The following NRXN1 variants were observed in gnomAD, a reference collection of about 807,000 sequenced individuals.
NRXN1 encodes the protein neurexin 1, also known as neurexin-1.
Under a neutral mutation model 150.9 loss-of-function variants are expected in NRXN1, and 39 were observed. The observed-to-expected ratio is 0.26, with a 90% CI of 0.20 to 0.34. The LOEUF (loss-of-function observed/expected upper bound fraction) is 0.34. Ranked by LOEUF, NRXN1 falls within the 10% of genes least tolerant of loss-of-function variation. The pLI is 1.00. For synonymous variants in NRXN1, 924 were observed against 757.0 expected (o/e 1.22, Z -3.62); for missense variants, 1,815 against 1,949.9 (o/e 0.93, Z 1.30).
Position 49,921,715 on chromosome 2 carries a change from T to C in NRXN1, c.*229A>G. On this transcript the variant is annotated 3_prime_UTR_variant, in exon 23 of 23. Transcript: ENST00000401669. ...ACAAGCAGAGTAAATGAAAACACTG[T>C]GGATGTTAGGGAATTTATTGGCCCC... is the stretch of plus-strand genomic sequence containing the variant. 1 of 538,022 alleles carries C rather than the reference T, an allele frequency of 1.9e-6. No homozygotes were observed. The highest frequency in any genetic ancestry group is 3.3e-6 in the Non-Finnish European group (1 of 305,392). 33.3% of individuals were successfully genotyped at this position (538,022 alleles called of 1,614,324 possible). A position where few individuals can be genotyped will look rare whatever the true frequency, so the allele number is the denominator to read the frequency against.
chr2:50,706,959 A>G (rs1404008462), intron 5 of NRXN1, among the ~76,000 whole-genome samples: 1 of 152,122 alleles, frequency 6.6e-6, no homozygotes, highest in African/African-American at 2.4e-5. Context: ...GTAGTAGCCC[A>G]TTTATCTCAT....
rs200569040 is a variant in NRXN1 at position 50,472,294 on chromosome 2, A to G, written c.3244+4T>C. On this transcript the variant is annotated splice_donor_region_variant and intron_variant, in intron 16 of 22. Transcript: ENST00000401669. The stretch of plus-strand genomic sequence containing the variant: ...TTTAGAGCATGATGACAAAAATCTA[A>G]TACCTTCACATCCTCTCTCGATCTG... 1.0e-5 allele frequency: 16 copies of G among 1,557,750 alleles called. No homozygotes were observed. The highest frequency in any genetic ancestry group is 1.4e-5 in the Non-Finnish European group (16 of 1,150,324).
chr2:50,773,611 G>A (rs1357833156), intron 5 of NRXN1, among the ~76,000 whole-genome samples: 1 of 152,128 alleles, frequency 6.6e-6, no homozygotes, highest in Non-Finnish European at 1.5e-5. Flanking sequence ...AGCTAATCCT[G>A]TGTTCTCAGA....
chr2:50,443,926 T>C (rs2086182802), intron 17 of NRXN1, among the ~76,000 whole-genome samples: 1 of 152,160 alleles, frequency 6.6e-6, no homozygotes, highest in African/African-American at 2.4e-5. Context: ...TATTTGACTG[T>C]TTAATTACAA....
intron 17 of NRXN1, among the ~76,000 whole-genome samples, chr2:50,334,292 T>A (rs988813100): frequency 1.3e-5 from 2 of 150,936 alleles, no homozygotes; most frequent in Non-Finnish European, 2.9e-5. Flanking sequence ...TACAAAGTCA[T>A]TCATTCAATA....
chr2:50,630,433 T>C (rs902511496), intron 5 of NRXN1, among the ~76,000 whole-genome samples: 1 of 151,710 alleles, frequency 6.6e-6, no homozygotes, highest in African/African-American at 2.4e-5. Flanking sequence ...GCATTACCAG[T>C]GCATAGAATA....
intron 5 of NRXN1, among the ~76,000 whole-genome samples, chr2:50,806,586 C>T (rs1364949140): frequency 6.6e-6 from 1 of 152,092 alleles, no homozygotes; most frequent in African/African-American, 2.4e-5. Context: ...AGTTGAATAT[C>T]TTTCAGTAAT....
intron 18 of NRXN1, among the ~76,000 whole-genome samples, chr2:50,123,307 G>C (rs890135552): frequency 6.6e-6 from 1 of 152,148 alleles, no homozygotes; most frequent in African/African-American, 2.4e-5. Flanking sequence ...AACTTGTAAA[G>C]ATGAAAGGAG....
chr2:49,953,037 C>T (rs1674258829), intron 21 of NRXN1, among the ~76,000 whole-genome samples: 1 of 152,094 alleles, frequency 6.6e-6, no homozygotes, highest in South Asian at 2.1e-4. Context: ...CCACATTTAC[C>T]TTTGGACAAG....
At chr2:50,941,327 G>A (rs1441522742) in intron 2 of NRXN1, among the ~76,000 whole-genome samples, 9 of 152,126 alleles carry the variant, frequency 5.9e-5, no homozygotes, top group East Asian at 1.9e-4. Flanking sequence ...AAAGGTACCC[G>A]AAAATGTAGA....
At chr2:50,397,246 T>C (rs2082108742) in intron 17 of NRXN1, among the ~76,000 whole-genome samples, 1 of 152,100 alleles carries the variant, frequency 6.6e-6, no homozygotes, top group African/African-American at 2.4e-5. Flanking sequence ...CAGAGAGCTA[T>C]TAGAGTGGCG....
chr2:50,304,667 T>C (rs995567226), intron 17 of NRXN1, among the ~76,000 whole-genome samples: 2 of 147,246 alleles, frequency 1.4e-5, no homozygotes, highest in African/African-American at 4.9e-5. Flanking sequence ...CTATTTTTTG[T>C]TCCTCTAAAT....
chr2:50,001,165 T>C (rs982293912), intron 21 of NRXN1, among the ~76,000 whole-genome samples: 2 of 152,170 alleles, frequency 1.3e-5, no homozygotes. Flanking sequence ...ATGGCTGAGC[T>C]ATTTAACATC....
chr2:50,239,237 G>C (rs1009242590), intron 17 of NRXN1, among the ~76,000 whole-genome samples: 6 of 151,808 alleles, frequency 4.0e-5, no homozygotes, highest in African/African-American at 1.4e-4. Context: ...AGTGGAGATG[G>C]CTTTAAAAGG....
At chr2:50,885,576 T>A (rs1475673472) in intron 5 of NRXN1, among the ~76,000 whole-genome samples, 2 of 151,338 alleles carry the variant, frequency 1.3e-5, no homozygotes, top group East Asian at 1.9e-4. Flanking sequence ...CACACAAAAC[T>A]CTGACACAAC....
intron 21 of NRXN1, among the ~76,000 whole-genome samples, chr2:49,997,886 G>A (rs1683251622): frequency 6.6e-6 from 1 of 152,104 alleles, no homozygotes; most frequent in Admixed American, 6.5e-5. Flanking sequence ...GGGAAAGGAG[G>A]CAAGGAAGGC....
intron 5 of NRXN1, among the ~76,000 whole-genome samples, chr2:50,673,284 A>C (rs1689106223): frequency 6.6e-6 from 1 of 152,162 alleles, no homozygotes. Flanking sequence ...CTATTTAAAA[A>C]GACATGTTTA....
Position 49,943,782 on chromosome 2 carries a change from C to T in NRXN1, c.4138G>A (p.Asp1380Asn), listed in dbSNP as rs2104382256. 6.2e-7 allele frequency: 1 copy of T among 1,609,510 alleles called. No homozygotes were observed. The highest frequency in any genetic ancestry group is 8.5e-7 in the Non-Finnish European group (1 of 1,177,254). The change falls in exon 22 of 23, where the codon GAC becomes AAC. Residue 1380 changes from aspartate (D) to asparagine (N), a missense_variant. By Grantham distance (23) the Asp-to-Asn change is conservative. Transcript: ENST00000401669. ...TKEPISQTTD[D>N]ILVASAECPS... ...CACTCTGCTGAGGCCACAAGGATGT[C>T]ATCTGTGGTCTGCAAAAGAATCACA...
intron 22 of NRXN1, among the ~76,000 whole-genome samples, chr2:49,933,381 C>T (rs1316408316): frequency 6.6e-6 from 1 of 152,082 alleles, no homozygotes; most frequent in South Asian, 2.1e-4. Context: ...CCACTGCACC[C>T]GGGCTTTAGG....
Sources: gnomAD v4.1 joint callset for allele counts (sites outside exome capture counted in the v4.1 genomes callset) on GRCh38, gnomAD v4.1.1 for gene constraint, MANE v1.5 for transcripts, NCBI Gene and HGNC (gene_info 2026-07-23, HGNC 2026-07-21) for gene names.